Variants in CEP350 observed in about 807,000 individuals in gnomAD.
CEP350 encodes the protein centrosome-associated protein 350.
In CEP350, 126 loss-of-function variants were observed where a neutral mutation model predicts 331.8. The ratio of observed to expected loss-of-function variants is 0.38; its 90% CI spans 0.33 to 0.44. The LOEUF (loss-of-function observed/expected upper bound fraction) is 0.44. Among genes scored for constraint, CEP350 ranks in the 20% least tolerant of loss-of-function variants. CEP350 has a pLI of 1.00. For synonymous variants in CEP350, 1,200 were observed against 1,259.5 expected (o/e 0.95, Z 1.00); for missense variants, 3,406 against 3,634.6 (o/e 0.94, Z 1.62).
intron 27 of CEP350, among the ~76,000 whole-genome samples, chr1:180,066,296 C>T (rs549745859): frequency 2.6e-4 from 40 of 152,236 alleles, no homozygotes; most frequent in African/African-American, 6.7e-4. Context: ...CTAGCTTCCT[C>T]GAAACCCATT....
chr1:179,962,396 TTTTGTTTG>T (rs370487245), intron 1 of CEP350, among the ~76,000 whole-genome samples: 46 of 152,076 alleles, frequency 3.0e-4, no homozygotes, highest in Admixed American at 1.3e-3. Flanking sequence ...ATCTACTGTT[TTTTGTTTG>T]TTTGTTTGTT....
At chr1:180,013,158 A>G (rs1199442091) in intron 9 of CEP350, among the ~76,000 whole-genome samples, 1 of 152,222 alleles carries the variant, frequency 6.6e-6, no homozygotes, top group Non-Finnish European at 1.5e-5. Context: ...ATATTTGAGC[A>G]TTTGTTATAC....
chr1:180,092,987 A>T lies in CEP350; in HGVS notation c.6882A>T (p.Ser2294=). 1 of 1,602,398 alleles carries T rather than the reference A, an allele frequency of 6.2e-7. No homozygotes were observed. The highest frequency in any genetic ancestry group is 1.3e-5 in the African/African-American group (1 of 74,956). ...LLKLVLEQGD[S]SEILSKKDLP... ...AATTAGTCCTAGAACAGGGAGATTCATCTGAAATTCTTTCAAAGAAAGATC... is the reference window on the plus strand; with the variant it reads ...AATTAGTCCTAGAACAGGGAGATTCTTCTGAAATTCTTTCAAAGAAAGATC... The change falls in exon 34 of 38, where the codon TCA becomes TCT. Residue 2294 remains serine (S), a synonymous_variant. Transcript: ENST00000367607.
chr1:179,969,592 CA>C, intron 1 of CEP350: 1 of 315,876 alleles, frequency 3.2e-6, no homozygotes, highest in South Asian at 2.7e-5. Flanking sequence ...AAGACAAAAA[CA>C]AATTATTTCT....
intron 27 of CEP350, among the ~76,000 whole-genome samples, chr1:180,066,032 A>T (rs1042185577): frequency 1.3e-5 from 2 of 152,136 alleles, no homozygotes; most frequent in Non-Finnish European, 1.5e-5. Flanking sequence ...CTGAAAGCAG[A>T]AAGGCTGAAA....
At chr1:179,968,812 A>G (rs1651212756) in intron 1 of CEP350, 1 of 698,426 alleles carries the variant, frequency 1.4e-6, no homozygotes, top group Non-Finnish European at 2.7e-6. Context: ...GAGGACCTGA[A>G]AGAAGCTTCT....
chr1:180,017,009 A>G (rs987874798), intron 11 of CEP350, among the ~76,000 whole-genome samples: 1 of 152,146 alleles, frequency 6.6e-6, no homozygotes, highest in African/African-American at 2.4e-5. Flanking sequence ...AATACTGTCA[A>G]TAAAAATAGC....
At chr1:180,049,724 A>G (rs987784218) in intron 22 of CEP350, among the ~76,000 whole-genome samples, 2 of 152,018 alleles carry the variant, frequency 1.3e-5, no homozygotes, top group African/African-American at 4.8e-5. Flanking sequence ...TTGTATTTTT[A>G]GTAGAGACAG....
rs1465310541 is a variant in CEP350, at chr1:180,112,754, G to A, written c.*1593G>A. On this transcript the variant is annotated 3_prime_UTR_variant, in exon 38 of 38. Coordinates refer to ENST00000367607, the MANE Select transcript of CEP350 (RefSeq NM_014810.5). ...ACCCCAAAGATGGTATAATCTTTAA[G>A]TGTGCACGTTCGTTTATTTCTGCAT... 6 of 152,646 alleles carry A rather than the reference G, an allele frequency of 3.9e-5. No homozygotes were observed. Among genetic ancestry groups the A allele is most frequent in the Admixed American group, 6.5e-5 (1 of 15,274 alleles). 9.5% of individuals were successfully genotyped at this position (152,646 alleles called of 1,614,324 possible).
Position 180,112,993 on chromosome 1 carries a change from A to G in CEP350, c.*1832A>G, listed in dbSNP as rs1661532582. The G allele has an allele frequency of 6.6e-6, 1 of 152,666 alleles. No homozygotes were observed. Among genetic ancestry groups the G allele is most frequent in the Non-Finnish European group, 1.5e-5 (1 of 68,042 alleles). The allele number at this position is 152,666 out of a possible 1,614,324, so 9.5% of individuals were successfully genotyped here. ...GAAATGCTCAGATTGATGTCTTACC[A>G]GCATTTCTTCTGGGCTTGTGATGTT... On this transcript the variant is annotated 3_prime_UTR_variant, in exon 38 of 38. Transcript: ENST00000367607.
At chr1:180,036,141 T>A (rs1339770748) in intron 16 of CEP350, among the ~76,000 whole-genome samples, 1 of 152,220 alleles carries the variant, frequency 6.6e-6, no homozygotes. Context: ...ACTAGAATTA[T>A]AATTGGATCC....
intron 16 of CEP350, among the ~76,000 whole-genome samples, chr1:180,035,182 G>A (rs560663449): frequency 1.9e-4 from 29 of 152,302 alleles, no homozygotes; most frequent in African/African-American, 7.0e-4. Context: ...ATTTTGTGAA[G>A]CCCTAGAGAG....
chr1:180,059,361 T>A (rs1222426524), intron 25 of CEP350, among the ~76,000 whole-genome samples: 2 of 152,202 alleles, frequency 1.3e-5, no homozygotes, highest in Non-Finnish European at 2.9e-5. Flanking sequence ...TGGTGCTTTA[T>A]CACAAGTCAG....
At chr1:180,079,407 T>A (rs1466252072) in intron 29 of CEP350, among the ~76,000 whole-genome samples, 1 of 151,948 alleles carries the variant, frequency 6.6e-6, no homozygotes, top group African/African-American at 2.4e-5. Context: ...AAAGAATTAA[T>A]TTTGTTTCCC....
In CEP350 at chr1:180,020,593, C is replaced by T. The variant is rs749645575; in HGVS notation, c.2819C>T (p.Pro940Leu). The change falls in exon 12 of 38, where the codon CCT (proline) becomes CTT (leucine). Residue 940 changes from proline (P) to leucine (L), a missense_variant. Transcript: ENST00000367607. ...SAISSFRVRS[P>L]GPKPEGLLAQ... ...ATATCAAGCTTTAGAGTGAGATCCC[C>T]TGGTCCCAAACCAGAAGGGCTACTG... is the stretch of plus-strand genomic sequence containing the variant. The T allele has an allele frequency of 6.2e-7, 1 of 1,613,976 alleles. No homozygotes were observed. Among genetic ancestry groups the T allele is most frequent in the Non-Finnish European group, 8.5e-7 (1 of 1,179,882 alleles).
At chr1:179,961,456 T>C (rs946853587) in intron 1 of CEP350, among the ~76,000 whole-genome samples, 1 of 151,794 alleles carries the variant, frequency 6.6e-6, no homozygotes, top group Non-Finnish European at 1.5e-5. Flanking sequence ...AAAAATAAAA[T>C]AAAATAAAAT....
chr1:180,001,088 T>C (rs1653840269), intron 6 of CEP350, among the ~76,000 whole-genome samples: 3 of 152,172 alleles, frequency 2.0e-5, no homozygotes, highest in Admixed American at 2.0e-4. Context: ...TCCAGCCTAT[T>C]CTTTACATTG....
chr1:180,042,127 T>TTC (rs113477639), intron 19 of CEP350, among the ~76,000 whole-genome samples: 2,445 of 106,720 alleles, frequency 0.023, 42 homozygotes, highest in Middle Eastern at 0.059. Context: ...TTGGTGAGTT[T>TTC]TCTCTCACAC....
intron 14 of CEP350, among the ~76,000 whole-genome samples, chr1:180,025,277 C>G (rs989206842): frequency 6.6e-6 from 1 of 152,146 alleles, no homozygotes; most frequent in Admixed American, 6.5e-5. Context: ...ATATACATCT[C>G]TGAGTATCAT....
Sources: allele counts gnomAD v4.1 joint callset (sites outside exome capture counted in the v4.1 genomes callset), GRCh38; gene constraint gnomAD v4.1.1; transcripts MANE v1.5; gene names NCBI Gene and HGNC (gene_info 2026-07-23, HGNC 2026-07-21).